VPS13A: variants seen among roughly 807,000 people sequenced by gnomAD.
VPS13A encodes intermembrane lipid transfer protein VPS13A.
Under a neutral mutation model 390.9 loss-of-function variants are expected in VPS13A, and 264 were observed. That is an observed-to-expected ratio of 0.68 (90% CI 0.61 to 0.75). VPS13A has a LOEUF of 0.75. Among genes scored for constraint, VPS13A ranks in the 30% least tolerant of loss-of-function variants. VPS13A has a pLI of 0.00. For synonymous variants in VPS13A, 1,231 were observed against 1,227.1 expected, an observed-to-expected ratio of 1.00 and a Z score of -0.07; for missense variants, 3,409 against 3,733.9, an observed-to-expected ratio of 0.91 and a Z score of 2.27.
At chr9:77,287,791 C>CTATATT (rs913824515) in intron 31 of VPS13A, among the ~76,000 whole-genome samples, 1 of 152,144 alleles carries the variant, frequency 6.6e-6, no homozygotes, top group African/African-American at 2.4e-5. Flanking sequence ...AAGGTGCTTG[C>CTATATT]TATATTCTGG....
Position 77,213,311 on chromosome 9 carries a change from C to G in VPS13A, c.693C>G (p.Ser231=). ...TTTATCTTAGTGATTATGATAACTC[C>G]TTGGTAAGTAAATTTTTTCTGTATG... The part of the protein sequence containing the change: ...QMFYLSDYDN[S]LDDLKNGIVN... The change falls in exon 9 of 72, where the codon TCC becomes TCG. Residue 231 remains serine (S), a synonymous_variant. Coordinates refer to ENST00000360280, the MANE Select transcript of VPS13A (RefSeq NM_033305.3). The G allele has an allele frequency of 6.2e-7, 1 of 1,611,972 alleles. No homozygotes were observed. The highest frequency in any genetic ancestry group is 8.5e-7 in the Non-Finnish European group (1 of 1,178,472).
At chr9:77,197,187 A>G (rs1308637616) in intron 1 of VPS13A, among the ~76,000 whole-genome samples, 2 of 152,144 alleles carry the variant, frequency 1.3e-5, no homozygotes, top group Non-Finnish European at 2.9e-5. Flanking sequence ...ATGACCTCAC[A>G]TATATCCTGG....
chr9:77,248,529 A>G (rs1205144698), intron 20 of VPS13A, among the ~76,000 whole-genome samples: 1 of 150,868 alleles, frequency 6.6e-6, no homozygotes, highest in Non-Finnish European at 1.5e-5. Flanking sequence ...TTTTTTTCTA[A>G]TTATATACTT....
At chr9:77,219,118 C>T (rs1045840637) in intron 10 of VPS13A, among the ~76,000 whole-genome samples, 12 of 150,736 alleles carry the variant, frequency 8.0e-5, no homozygotes, top group Non-Finnish European at 1.8e-4. Flanking sequence ...ATTGTAGGTC[C>T]AGGGTAGCTT....
At chr9:77,282,428 A>T (rs929202276) in intron 29 of VPS13A, among the ~76,000 whole-genome samples, 154 bp downstream of exon 29, 2 of 152,230 alleles carry the variant, frequency 1.3e-5, no homozygotes, top group East Asian at 1.9e-4. Context: ...ATGCCAGGAT[A>T]ATTTTAGAAA....
chr9:77,411,189 C>A (rs1834902738), intron 71 of VPS13A, among the ~76,000 whole-genome samples: 1 of 152,158 alleles, frequency 6.6e-6, no homozygotes, highest in South Asian at 2.1e-4. Flanking sequence ...TGAATGACTA[C>A]TGGGTACATA....
chr9:77,195,725 A>G (rs1360555021), intron 1 of VPS13A, among the ~76,000 whole-genome samples: 1 of 152,172 alleles, frequency 6.6e-6, no homozygotes, highest in Non-Finnish European at 1.5e-5. Flanking sequence ...CGACACAGCG[A>G]GACTCCGTCT....
chr9:77,369,319 A>G lies in VPS13A; in HGVS notation c.8574A>G (p.Val2858=), dbSNP rs754635975. ...YSKQAIKQMY[V]LILGLDVLGN... is the part of the protein sequence containing the mutation. ...TTTAGGCCATTAAGCAGATGTATGT[A>G]CTCATTCTTGGACTTGATGTTTTGG... The change falls in exon 63 of 72, where the codon GTA becomes GTG. Residue 2858 remains valine, a synonymous_variant. Coordinates refer to ENST00000360280, the MANE Select transcript of VPS13A (RefSeq NM_033305.3). The G allele has an allele frequency of 6.2e-7, 1 of 1,612,698 alleles. No individual in the cohort carries two copies. The highest frequency in any genetic ancestry group is 8.5e-7 in the Non-Finnish European group (1 of 1,178,926).
At chr9:77,300,621 A>G (rs116968700) in intron 33 of VPS13A, among the ~76,000 whole-genome samples, 2,365 of 152,326 alleles carry the variant, frequency 0.016, 24 homozygotes, top group Non-Finnish European at 0.025. Flanking sequence ...CATCCCAGAT[A>G]CTTATGGGAC....
chr9:77,340,349 T>A, intron 49 of VPS13A, 55 bp from the exon 50 acceptor site: 4 of 1,601,852 alleles, frequency 2.5e-6, no homozygotes, highest in Non-Finnish European at 3.4e-6. Context: ...CTTAATTAAA[T>A]TTTATAAAGA....
In VPS13A at chr9:77,321,304, G is replaced by A; in HGVS notation, c.5551G>A (p.Val1851Ile). Residue 1851 changes from valine (V) to isoleucine (I), a missense_variant, in exon 43 of 72, where the codon GTA becomes ATA. Around this residue, in one of 5 missense-constraint regions of VPS13A, gnomAD observed 2,717 missense variants for 2,917.4 expected, o/e 0.93. Coordinates refer to ENST00000360280, the MANE Select transcript of VPS13A (RefSeq NM_033305.3). ...CATTACATTATCCAAATGTGGTCTTGTAATGTTAAACAATTTAGTCAAGGT... is the reference window on the plus strand; with the variant it reads ...CATTACATTATCCAAATGTGGTCTTATAATGTTAAACAATTTAGTCAAGGT... Reference protein sequence around the residue: ...LNITLSKCGLVMLNNLVKAFT... With the variant: ...LNITLSKCGLIMLNNLVKAFT... 6.2e-7 allele frequency: 1 copy of A among 1,608,136 alleles called. No homozygotes were observed. The highest frequency in any genetic ancestry group is 8.5e-7 in the Non-Finnish European group (1 of 1,176,128).
At position 77,316,424 on chromosome 9, in the gene VPS13A, T is replaced by A; in HGVS notation, c.4863+18T>A. ...TCACTACTGTGAGTTAACTATTTGA[T>A]CATCTGCTTAATTGTAACTATTTTG... On this transcript the variant is annotated intron_variant, in intron 39 of 71. Coordinates refer to ENST00000360280, the MANE Select transcript of VPS13A (RefSeq NM_033305.3). 6.3e-7 allele frequency: 1 copy of A among 1,598,524 alleles called. No individual in the cohort carries two copies. Among genetic ancestry groups the A allele is most frequent in the Non-Finnish European group, 8.6e-7 (1 of 1,166,296 alleles).
At chr9:77,237,969 A>G in intron 17 of VPS13A, 33 bp from the exon 18 acceptor site, 1 of 1,497,346 alleles carries the variant, frequency 6.7e-7, no homozygotes, top group Non-Finnish European at 9.2e-7. Context: ...AATTTTACTG[A>G]TCGCTGACTT....
chr9:77,315,371 G>T lies in VPS13A; in HGVS notation c.4531G>T (p.Val1511Leu). 1 of 1,613,976 alleles carries T rather than the reference G, an allele frequency of 6.2e-7. No homozygotes were observed. Among genetic ancestry groups the T allele is most frequent in the Non-Finnish European group, 8.5e-7 (1 of 1,179,882 alleles). The change falls in exon 38 of 72, where the codon GTA (valine) becomes TTA (leucine). Residue 1511 changes from valine (V) to leucine (L), a missense_variant. Physicochemically the swap from Val to Leu is conservative, Grantham distance 32. Transcript: ENST00000360280. ...TCAAGAAATGTATATTTGTGCAAGC[G>T]TAGAATTTCTGCAGACTGTTGCAAA... ...VFQEMYICAS[V>L]EFLQTVANVF...
intron 23 of VPS13A, among the ~76,000 whole-genome samples, chr9:77,261,146 G>T (rs181397897): frequency 6.6e-6 from 1 of 152,032 alleles, no homozygotes; most frequent in Admixed American, 6.5e-5. Flanking sequence ...TGATCCACCC[G>T]CCTCGGCCTT....
At chr9:77,207,213 T>TTTTATATATATATATATATA (rs1554859893) in intron 5 of VPS13A, among the ~76,000 whole-genome samples, 2 of 43,094 alleles carry the variant, frequency 4.6e-5, no homozygotes, top group African/African-American at 1.2e-4. Flanking sequence ...TATTTAGATA[T>TTTTATATATATATATATATA]TATATATATA....
At chr9:77,366,254 A>G (rs1022503487) in intron 60 of VPS13A, among the ~76,000 whole-genome samples, 1 of 152,040 alleles carries the variant, frequency 6.6e-6, no homozygotes, top group Admixed American at 6.6e-5. Flanking sequence ...CATCTAACAC[A>G]ATGCCTATTT....
chr9:77,379,257 T>G (rs79892678), intron 67 of VPS13A, among the ~76,000 whole-genome samples: 2 of 149,676 alleles, frequency 1.3e-5, no homozygotes, highest in Non-Finnish European at 3.0e-5. Flanking sequence ...TTTTTTTTTT[T>G]GAGACAGAGT....
intron 37 of VPS13A, 113 bp from the exon 38 acceptor site, chr9:77,315,140 C>A (rs1829312700): frequency 1.0e-6 from 1 of 958,066 alleles, no homozygotes; most frequent in South Asian, 1.4e-5. Context: ...GACATGACTT[C>A]AGAATGCTTT....
Sources: allele counts gnomAD v4.1 joint callset (sites outside exome capture counted in the v4.1 genomes callset), GRCh38; gene constraint gnomAD v4.1.1; regional missense constraint gnomAD v4.1.1; transcripts MANE v1.5; gene names NCBI Gene and HGNC (gene_info 2026-07-23, HGNC 2026-07-21).